The following TRIM9 variants were observed in gnomAD, a reference collection of about 807,000 sequenced individuals.
TRIM9 encodes the protein E3 ubiquitin-protein ligase TRIM9.
TRIM9 carries 26 observed loss-of-function variants against 78.3 expected under a neutral mutation model. That is an observed-to-expected ratio of 0.33 (90% confidence interval 0.24 to 0.46). The LOEUF (loss-of-function observed/expected upper bound fraction) is 0.46. Ranked by LOEUF, TRIM9 falls within the 20% of genes least tolerant of loss-of-function variation. The pLI, the probability that TRIM9 is intolerant of heterozygous loss-of-function variation, is 1.00. For missense variants in TRIM9, 787 were observed against 1,036.4 expected (o/e 0.76, Z 3.30); for synonymous variants, 398 against 416.5 (o/e 0.96, Z 0.54).
intron 12 of TRIM9, among the ~76,000 whole-genome samples, chr14:50,978,440 C>T (rs2051348350): frequency 1.3e-5 from 2 of 152,216 alleles, no homozygotes; most frequent in Admixed American, 1.3e-4. Context: ...CCAAGAGTCT[C>T]TCCACCATTC....
At position 51,022,737 on chromosome 14, in the gene TRIM9, C is replaced by T. The variant is rs185073176; in HGVS notation, c.1041+98G>A. 4,544 of 1,552,046 alleles carry T rather than the reference C, an allele frequency of 2.9e-3. 10 individuals are homozygous for T. Among genetic ancestry groups the T allele is most frequent in the Non-Finnish European group, 3.3e-3 (3,832 of 1,151,500 alleles). On this transcript the variant is annotated intron_variant, in intron 3 of 12. Coordinates refer to ENST00000684578, the MANE Select transcript of TRIM9 (RefSeq NM_001387360.1). ...CTACCCAAGGCTGTGGGCATCCTCTCCTCCTGTCCATGGGAAGGAATTCTC... is the reference window on the plus strand; with the variant it reads ...CTACCCAAGGCTGTGGGCATCCTCTTCTCCTGTCCATGGGAAGGAATTCTC...
At position 50,993,845 on chromosome 14, in the gene TRIM9, T is replaced by G. The variant is rs1295954778; in HGVS notation, c.1603+4205A>C. On this transcript the variant is annotated intron_variant, in intron 7 of 12. Coordinates refer to ENST00000684578, the MANE Select transcript of TRIM9 (RefSeq NM_001387360.1). ...AGCATTGGCGGCTTAAAGTCCTGGA[T>G]CTGACATATTATTATACTTAACCTC... is the stretch of plus-strand genomic sequence containing the variant. Among the ~76,000 whole-genome samples the G allele has an allele frequency of 3.3e-5, 5 of 152,292 alleles. No homozygotes were observed. The East Asian group carries it at 9.6e-4, about 29-fold the overall frequency.
In TRIM9 at chr14:50,992,205, C is replaced by T. The variant is rs118025360; in HGVS notation, c.1603+5845G>A. 5.0e-3 allele frequency among the ~76,000 whole-genome samples: 759 copies of T among 152,270 alleles called. 2 individuals are homozygous for T. Among genetic ancestry groups the T allele is most frequent in the Middle Eastern group, 0.01 (3 of 294 alleles). Reference sequence around the variant, plus strand: ...TTGTTCTTCTGACAGGTTCTTTGTTCCTCACAAGGTGACAGCATTTCTGGA... The same window carrying T: ...TTGTTCTTCTGACAGGTTCTTTGTTTCTCACAAGGTGACAGCATTTCTGGA... On this transcript the variant is annotated intron_variant, in intron 7 of 12. Transcript: ENST00000684578.
At chr14:51,025,141 A>C in intron 2 of TRIM9, 124 bp downstream of exon 2, 1 of 865,442 alleles carries the variant, frequency 1.2e-6, no homozygotes, top group Non-Finnish European at 1.8e-6. Context: ...GTAAAGAACA[A>C]CAACAACCAC....
intron 1 of TRIM9, among the ~76,000 whole-genome samples, chr14:51,045,612 G>A (rs1055656856): frequency 3.9e-5 from 6 of 152,290 alleles, no homozygotes; most frequent in Admixed American, 3.9e-4. Context: ...AAGAGTAAAT[G>A]TGAGATTACT....
At chr14:51,010,264 G>T in intron 4 of TRIM9, 120 bp downstream of exon 4, 1 of 694,242 alleles carries the variant, frequency 1.4e-6, no homozygotes, top group South Asian at 1.8e-5. Flanking sequence ...GCAGTGTGAG[G>T]TAGGTTCTGT....
chr14:51,039,648 C>G (rs2059424823), intron 1 of TRIM9, among the ~76,000 whole-genome samples: 1 of 152,074 alleles, frequency 6.6e-6, no homozygotes, highest in African/African-American at 2.4e-5. Context: ...TATGGAATGG[C>G]CTGTCTCTTG....
intron 1 of TRIM9, among the ~76,000 whole-genome samples, chr14:51,075,941 C>CATTTATTTA (rs2062742524): frequency 6.6e-6 from 1 of 152,174 alleles, no homozygotes; most frequent in African/African-American, 2.4e-5. Flanking sequence ...TCATTAAATA[C>CATTTATTTA]ACTTCTATTT....
chr14:51,079,345 C>A (rs914671088), intron 1 of TRIM9, among the ~76,000 whole-genome samples: 1 of 152,176 alleles, frequency 6.6e-6, no homozygotes, highest in Non-Finnish European at 1.5e-5. Flanking sequence ...CCCTGTTTTA[C>A]AGATGGAATT....
Position 51,094,554 on chromosome 14 carries a change from G to A in TRIM9, c.386C>T (p.Pro129Leu). 1.9e-6 allele frequency: 3 copies of A among 1,612,972 alleles called. No homozygotes were observed. Among genetic ancestry groups the A allele is most frequent in the Non-Finnish European group, 2.5e-6 (3 of 1,179,772 alleles). ...CAGGATGAGGCTGCGGTGACACTGG[G>A]GGCAGGTGATACAGGAGTTGCGGGG... is the stretch of plus-strand genomic sequence containing the variant. Reference protein sequence around the residue: ...PVPRNSCITCPQCHRSLILDD... With the variant: ...PVPRNSCITCLQCHRSLILDD... Residue 129 changes from proline to leucine, a missense_variant, in exon 1 of 13, where the codon CCC becomes CTC. Physicochemically the swap from Pro to Leu is moderately conservative, Grantham distance 98. Transcript: ENST00000684578.
intron 5 of TRIM9, among the ~76,000 whole-genome samples, chr14:51,008,381 T>C (rs2056116629): frequency 6.6e-6 from 1 of 152,236 alleles, no homozygotes; most frequent in African/African-American, 2.4e-5. Context: ...TTTTGTAACT[T>C]CTTGTGTATT....
At chr14:51,045,079 T>C (rs978737792) in intron 1 of TRIM9, among the ~76,000 whole-genome samples, 38 of 152,160 alleles carry the variant, frequency 2.5e-4, no homozygotes, top group African/African-American at 9.2e-4. Context: ...AAATACTGCA[T>C]AGTCTGACAT....
chr14:51,066,301 T>C (rs1016796047), intron 1 of TRIM9, among the ~76,000 whole-genome samples: 1 of 152,230 alleles, frequency 6.6e-6, no homozygotes, highest in African/African-American at 2.4e-5. Context: ...GTTGCTTCAC[T>C]GAACCACTCT....
In TRIM9 at chr14:50,986,009, G is replaced by A; in HGVS notation, c.1739C>T (p.Ser580Phe). 1.9e-6 allele frequency: 3 copies of A among 1,549,262 alleles called. No individual in the cohort carries two copies. Among genetic ancestry groups the A allele is most frequent in the Non-Finnish European group, 2.6e-6 (3 of 1,146,316 alleles). Residue 580 changes from serine (S) to phenylalanine (F), a missense_variant, in exon 8 of 13, where the codon TCC becomes TTC. Ser to Phe is a radical substitution (Grantham distance 155). Around this residue, in one of 3 missense-constraint regions of TRIM9, gnomAD observed 421 missense variants for 514.3 expected, o/e 0.82. Coordinates refer to ENST00000684578, the MANE Select transcript of TRIM9 (RefSeq NM_001387360.1). ...FPGRSYFDFRSSPHQLSLHSS... is the reference protein window; with the variant it reads ...FPGRSYFDFRFSPHQLSLHSS... ...ATGCAAGCTCAGCTGGTGGGGTGAGGATCGGAAATCAAAGTAGGATCTCCC... is the reference window on the plus strand; with the variant it reads ...ATGCAAGCTCAGCTGGTGGGGTGAGAATCGGAAATCAAAGTAGGATCTCCC...
chr14:51,033,885 A>T (rs1344348402), intron 1 of TRIM9, among the ~76,000 whole-genome samples: 2 of 152,246 alleles, frequency 1.3e-5, no homozygotes, highest in African/African-American at 4.8e-5. Flanking sequence ...CCAAAGGTTT[A>T]TATTATGCAT....
intron 5 of TRIM9, among the ~76,000 whole-genome samples, chr14:51,007,418 T>C (rs1183456256): frequency 2.0e-5 from 3 of 152,164 alleles, no homozygotes; most frequent in Admixed American, 6.5e-5. Flanking sequence ...AAAATGTAGA[T>C]TTGTTAATAT....
intron 7 of TRIM9, among the ~76,000 whole-genome samples, chr14:50,995,734 G>A (rs2054123797): frequency 6.6e-6 from 1 of 151,898 alleles, no homozygotes; most frequent in South Asian, 2.1e-4. Context: ...ACACTAGAAA[G>A]CCAGAACGCA....
chr14:51,022,313 T>A (rs2139768156), intron 3 of TRIM9, among the ~76,000 whole-genome samples: 1 of 152,284 alleles, frequency 6.6e-6, no homozygotes, highest in South Asian at 2.1e-4. Flanking sequence ...AGGTTGAAGT[T>A]TGGCTCTTAT....
intron 2 of TRIM9, among the ~76,000 whole-genome samples, chr14:51,025,030 C>T (rs113323285): frequency 2.9e-4 from 44 of 152,268 alleles, no homozygotes; most frequent in African/African-American, 9.9e-4. Flanking sequence ...GTGTGGAAGA[C>T]AGGAACCAGT....
Sources: allele counts gnomAD v4.1 joint callset (sites outside exome capture counted in the v4.1 genomes callset), GRCh38; gene constraint gnomAD v4.1.1; regional missense constraint gnomAD v4.1.1; transcripts MANE v1.5; gene names NCBI Gene and HGNC (gene_info 2026-07-23, HGNC 2026-07-21).